CDH19: variants seen among roughly 807,000 people sequenced by gnomAD.
The protein encoded by CDH19 is cadherin-19.
In CDH19, 67 loss-of-function variants were observed where a neutral mutation model predicts 64.2. That is an observed-to-expected ratio of 1.04 (90% confidence interval 0.86 to 1.28). CDH19 has a LOEUF of 1.28. Among genes scored for constraint, CDH19 ranks in the 50% most tolerant of loss-of-function variants. The pLI is 0.00. For synonymous variants in CDH19, 346 were observed against 319.3 expected (o/e 1.08, Z -0.89); for missense variants, 1,030 against 929.0 (o/e 1.11, Z -1.41).
At chr18:66,586,740 T>A (rs1237276476) in intron 1 of CDH19, among the ~76,000 whole-genome samples, 1 of 152,060 alleles carries the variant, frequency 6.6e-6, no homozygotes, top group Non-Finnish European at 1.5e-5. Context: ...TCTGTATTTT[T>A]GTGAATTTAT....
intron 1 of CDH19, among the ~76,000 whole-genome samples, chr18:66,578,222 C>T (rs769750894): frequency 5.3e-5 from 8 of 151,706 alleles, no homozygotes; most frequent in Non-Finnish European, 1.0e-4. Flanking sequence ...ACAGACTGAG[C>T]GAATATTTGT....
In CDH19 at chr18:66,595,235, C is replaced by A. The variant is rs999220777; in HGVS notation, c.-113+8719G>T. The stretch of plus-strand genomic sequence containing the variant: ...GTTTATTAGTCTTAAATGTCCATAT[C>A]AAAAAGTTAGAAAGATCTTTACTTA... On this transcript the variant is annotated intron_variant, in intron 1 of 11. Transcript: ENST00000262150. 1.1e-4 allele frequency among the ~76,000 whole-genome samples: 17 copies of A among 151,352 alleles called. No homozygotes were observed. In the East Asian group the frequency reaches 2.1e-3, roughly 19 times the overall value.
At chr18:66,518,126 C>G (rs1222809834) in intron 9 of CDH19, among the ~76,000 whole-genome samples, 1 of 151,736 alleles carries the variant, frequency 6.6e-6, no homozygotes, top group East Asian at 1.9e-4. Flanking sequence ...TTTTGATTAT[C>G]GATTGAGGAC....
chr18:66,584,738 C>T (rs1988525842), intron 1 of CDH19, among the ~76,000 whole-genome samples: 1 of 152,042 alleles, frequency 6.6e-6, no homozygotes, highest in Admixed American at 6.6e-5. Context: ...TTAACCATCA[C>T]ATGAACACAG....
At chr18:66,512,594 A>G (rs1015951867) in intron 9 of CDH19, among the ~76,000 whole-genome samples, 3 of 151,564 alleles carry the variant, frequency 2.0e-5, no homozygotes, top group African/African-American at 4.8e-5. Flanking sequence ...TAGGAAACCA[A>G]TACGATCTGT....
chr18:66,547,344 G>A (rs978277815), intron 5 of CDH19, among the ~76,000 whole-genome samples: 3 of 152,046 alleles, frequency 2.0e-5, no homozygotes, highest in East Asian at 1.9e-4. Flanking sequence ...GTGTGTGTGC[G>A]TATGTATATG....
intron 7 of CDH19, among the ~76,000 whole-genome samples, chr18:66,535,870 T>C (rs940327404): frequency 6.8e-6 from 1 of 147,382 alleles, no homozygotes; most frequent in East Asian, 1.9e-4. Context: ...ATGTATGTGA[T>C]ATATTACATC....
At chr18:66,574,707 T>C (rs570871471) in intron 1 of CDH19, among the ~76,000 whole-genome samples, 1 of 151,710 alleles carries the variant, frequency 6.6e-6, no homozygotes, top group East Asian at 1.9e-4. Context: ...TAAGCACAGG[T>C]GTTAAAAAAT....
intron 1 of CDH19, among the ~76,000 whole-genome samples, chr18:66,578,363 TA>T (rs373208545): frequency 3.3e-5 from 5 of 152,008 alleles, no homozygotes; most frequent in African/African-American, 1.2e-4. Context: ...TAAAATAAGT[TA>T]AAAAATGATA....
At chr18:66,511,073 T>G (rs985908866) in intron 10 of CDH19, among the ~76,000 whole-genome samples, 6 of 151,764 alleles carry the variant, frequency 4.0e-5, no homozygotes, top group Admixed American at 2.0e-4. Context: ...TTGGAACACT[T>G]AATCCTTAGA....
chr18:66,542,707 G>C (rs1986936787), intron 7 of CDH19, among the ~76,000 whole-genome samples: 1 of 152,214 alleles, frequency 6.6e-6, no homozygotes, highest in African/African-American at 2.4e-5. Flanking sequence ...CTGTAGGTGA[G>C]GGCAGGCGAG....
intron 1 of CDH19, among the ~76,000 whole-genome samples, chr18:66,601,386 C>A (rs1043087642): frequency 6.6e-6 from 1 of 151,782 alleles, no homozygotes; most frequent in African/African-American, 2.4e-5. Context: ...GACTGATGTG[C>A]CAAAATTATC....
chr18:66,587,462 G>A (rs973743972), intron 1 of CDH19, among the ~76,000 whole-genome samples: 5 of 152,128 alleles, frequency 3.3e-5, no homozygotes, highest in Middle Eastern at 3.4e-3. Flanking sequence ...CGGATGAAAT[G>A]GCTATGACTG....
chr18:66,591,826 A>G (rs1448494612), intron 1 of CDH19, among the ~76,000 whole-genome samples: 1 of 151,846 alleles, frequency 6.6e-6, no homozygotes, highest in Non-Finnish European at 1.5e-5. Flanking sequence ...CACATTCTGG[A>G]CATAATATCT....
intron 3 of CDH19, among the ~76,000 whole-genome samples, chr18:66,555,276 T>C (rs149777782): frequency 3.8e-4 from 57 of 151,986 alleles, no homozygotes; most frequent in Middle Eastern, 3.4e-3. Context: ...ATTTGAAATA[T>C]GTATTTGTTG....
At chr18:66,540,846 T>C (rs1015534804) in intron 7 of CDH19, among the ~76,000 whole-genome samples, 2 of 152,148 alleles carry the variant, frequency 1.3e-5, no homozygotes, top group Non-Finnish European at 2.9e-5. Context: ...ACTTCTGAAA[T>C]AATACATAGT....
rs768197890 is a variant in CDH19 at position 66,587,645 on chromosome 18, C to T, written c.-112-15329G>A. Reference sequence around the variant, plus strand: ...ATTTTCGAACTGAAACACTGAAAGGCCTATGAATAATTGTCTCGTCTTTAT... The same window carrying T: ...ATTTTCGAACTGAAACACTGAAAGGTCTATGAATAATTGTCTCGTCTTTAT... On this transcript the variant is annotated intron_variant, in intron 1 of 11. Transcript: ENST00000262150. Among the ~76,000 whole-genome samples the T allele has an allele frequency of 7.9e-5, 12 of 152,164 alleles. No homozygotes were observed. In the East Asian group the frequency reaches 1.6e-3, roughly 20 times the overall value.
intron 4 of CDH19, 76 bp from the exon 5 acceptor site, chr18:66,551,334 C>A: frequency 1.2e-6 from 1 of 815,870 alleles, no homozygotes; most frequent in Non-Finnish European, 2.1e-6. Flanking sequence ...TTAACCATTG[C>A]AGTATACATT....
At chr18:66,578,255 AG>A (rs1431667081) in intron 1 of CDH19, among the ~76,000 whole-genome samples, 2 of 151,988 alleles carry the variant, frequency 1.3e-5, no homozygotes, top group African/African-American at 2.4e-5. Context: ...TTGTATTCAG[AG>A]TGTACAAGGA....
Sources: gnomAD v4.1 joint callset for allele counts (sites outside exome capture counted in the v4.1 genomes callset) on GRCh38, gnomAD v4.1.1 for gene constraint, MANE v1.5 for transcripts, NCBI Gene and HGNC (gene_info 2026-07-23, HGNC 2026-07-21) for gene names.